GLT1D1: variants seen among roughly 807,000 people sequenced by gnomAD.
GLT1D1 encodes the protein glycosyltransferase 1 domain-containing protein 1.
Under a neutral mutation model 28.7 loss-of-function variants are expected in GLT1D1, and 21 were observed. The observed-to-expected ratio is 0.73, with a 90% CI of 0.52 to 1.05. The LOEUF is 1.05. GLT1D1 is among the 50% of genes least tolerant of loss of function. GLT1D1 has a pLI of 0.00. For missense variants in GLT1D1, 343 were observed against 330.6 expected (o/e 1.04, Z -0.29); for synonymous variants, 147 against 124.8 (o/e 1.18, Z -1.19).
intron 2 of GLT1D1, among the ~76,000 whole-genome samples, chr12:128,883,544 C>T (rs1044584831): frequency 1.1e-4 from 17 of 148,172 alleles, no homozygotes; most frequent in Admixed American, 1.4e-4. Flanking sequence ...GAGCTGAGAT[C>T]GCGCCACTGC....
At chr12:128,919,629 A>C (rs929943196) in intron 4 of GLT1D1, among the ~76,000 whole-genome samples, 1 of 152,258 alleles carries the variant, frequency 6.6e-6, no homozygotes, top group African/African-American at 2.4e-5. Flanking sequence ...AAAGCAGGTT[A>C]AGTGTAGTAA....
chr12:128,982,645 T>C (rs1488569956), intron 7 of GLT1D1, among the ~76,000 whole-genome samples: 1 of 152,118 alleles, frequency 6.6e-6, no homozygotes, highest in African/African-American at 2.4e-5. Flanking sequence ...GGCTCCAGTA[T>C]TTTTCGTGAT....
intron 7 of GLT1D1, among the ~76,000 whole-genome samples, chr12:128,977,504 C>T (rs1407030401): frequency 6.6e-6 from 1 of 152,084 alleles, no homozygotes; most frequent in East Asian, 1.9e-4. Context: ...TAACATGGAA[C>T]ACTTTTACAT....
intron 4 of GLT1D1, among the ~76,000 whole-genome samples, chr12:128,912,090 C>T (rs1014297675): frequency 1.3e-5 from 2 of 152,164 alleles, no homozygotes; most frequent in Non-Finnish European, 2.9e-5. Context: ...GCTGGGCCGG[C>T]ACTGGCATGC....
intron 6 of GLT1D1, among the ~76,000 whole-genome samples, chr12:128,955,275 C>T (rs1356875851): frequency 2.6e-5 from 4 of 152,132 alleles, no homozygotes; most frequent in Admixed American, 6.5e-5. Context: ...CTCCTGCTTC[C>T]TCTCCCTCTC....
At chr12:128,880,730 T>C (rs1957012453) in intron 2 of GLT1D1, among the ~76,000 whole-genome samples, 1 of 152,222 alleles carries the variant, frequency 6.6e-6, no homozygotes, top group South Asian at 2.1e-4. Flanking sequence ...ATATAGTTCT[T>C]ATTGATTTTT....
intron 6 of GLT1D1, among the ~76,000 whole-genome samples, chr12:128,954,184 C>T (rs968862960): frequency 2.6e-5 from 4 of 151,606 alleles, no homozygotes; most frequent in South Asian, 2.1e-4. Flanking sequence ...AGTGCAATGG[C>T]GCGATCTCGG....
chr12:128,917,569 C>T lies in GLT1D1; in HGVS notation c.375+18282C>T, dbSNP rs188333172. ...CCGGGATTACAGGCATGAGCCACCT[C>T]GCCTAGCCTCCTGCTGCAAACTTCT... On this transcript the variant is annotated intron_variant, in intron 4 of 7. Transcript: ENST00000281703. 6.6e-5 allele frequency among the ~76,000 whole-genome samples: 10 copies of T among 152,270 alleles called. No homozygotes were observed. The East Asian group carries it at 1.4e-3, about 21-fold the overall frequency.
chr12:128,893,680 G>A (rs999899374), intron 3 of GLT1D1, among the ~76,000 whole-genome samples: 1 of 152,154 alleles, frequency 6.6e-6, no homozygotes, highest in African/African-American at 2.4e-5. Flanking sequence ...CCACCTCCTG[G>A]GTTCAGGCGA....
At chr12:128,875,294 C>T (rs1447574003) in intron 1 of GLT1D1, among the ~76,000 whole-genome samples, 2 of 152,178 alleles carry the variant, frequency 1.3e-5, no homozygotes, top group Non-Finnish European at 2.9e-5. Flanking sequence ...CTGGAGGTGG[C>T]AGTGTGTGCC....
chr12:128,945,161 GGGC>G (rs1328704522), intron 4 of GLT1D1, 162 bp from the exon 9 acceptor site: 186 of 767,938 alleles, frequency 2.4e-4, no homozygotes, highest in Non-Finnish European at 1.1e-4. Context: ...CCCGAGCCGG[GGGC>G]CCCCATGATC....
At chr12:128,968,952 C>T (rs553091144) in intron 7 of GLT1D1, among the ~76,000 whole-genome samples, 1 of 152,212 alleles carries the variant, frequency 6.6e-6, no homozygotes. Context: ...CACTCGGCCC[C>T]GTCTTTCCTG....
chr12:128,883,588 TCAAAAAA>T (rs949270299), intron 2 of GLT1D1, among the ~76,000 whole-genome samples: 1 of 91,118 alleles, frequency 1.1e-5, no homozygotes, highest in African/African-American at 5.1e-5. Context: ...AGACTCCATC[TCAAAAAA>T]AAAAAAAAAA....
chr12:128,926,494 T>C (rs1332241219), intron 4 of GLT1D1, 40 bp downstream of exon 7: 7 of 1,065,994 alleles, frequency 6.6e-6, no homozygotes, highest in Non-Finnish European at 9.7e-6. Context: ...TTTATAGAAT[T>C]CCTTGTGGGC....
intron 4 of GLT1D1, among the ~76,000 whole-genome samples, chr12:128,928,908 C>T (rs1406806744): frequency 6.6e-6 from 1 of 152,168 alleles, no homozygotes; most frequent in East Asian, 1.9e-4. Context: ...AGGCATGAGC[C>T]ACCGCACCCG....
intron 2 of GLT1D1, among the ~76,000 whole-genome samples, chr12:128,883,514 C>A (rs940269525): frequency 6.7e-6 from 1 of 148,842 alleles, no homozygotes; most frequent in Non-Finnish European, 1.5e-5. Flanking sequence ...AGCTTGAACC[C>A]GGGAGACGGA....
In GLT1D1 at chr12:128,945,210, C is replaced by T. The variant is rs377732247; in HGVS notation, c.376-116C>T. 4.6e-4 allele frequency: 488 copies of T among 1,066,128 alleles called. 7 individuals carry two copies. In the South Asian group the frequency reaches 5.2e-3, roughly 11 times the overall value. 66.0% of individuals were successfully genotyped at this position (1,066,128 alleles called of 1,614,324 possible). A position where few individuals can be genotyped will look rare whatever the true frequency, so the allele number is the denominator to read the frequency against. On this transcript the variant is annotated intron_variant, in intron 4 of 7. Transcript: ENST00000281703. The stretch of plus-strand genomic sequence containing the variant: ...GCAGCCGCGAGGACACCCCCGTGGC[C>T]GCAGACCGAGGCCCACGCCGCGCTG...
intron 4 of GLT1D1, among the ~76,000 whole-genome samples, chr12:128,942,420 T>G (rs1450955631): frequency 6.6e-6 from 1 of 152,212 alleles, no homozygotes; most frequent in Non-Finnish European, 1.5e-5. Context: ...GAAAGATCAA[T>G]GAATTTTTAA....
At chr12:128,912,010 C>T (rs1871589292) in intron 4 of GLT1D1, among the ~76,000 whole-genome samples, 2 of 152,108 alleles carry the variant, frequency 1.3e-5, no homozygotes, top group Non-Finnish European at 2.9e-5. Context: ...CAGTCTTCCC[C>T]TCAGGGATGC....
Sources: gnomAD v4.1 joint callset for allele counts (sites outside exome capture counted in the v4.1 genomes callset) on GRCh38, gnomAD v4.1.1 for gene constraint, MANE v1.5 for transcripts, NCBI Gene and HGNC (gene_info 2026-07-23, HGNC 2026-07-21) for gene names.